STRADA: variants seen among roughly 807,000 people sequenced by gnomAD.
STRADA encodes STE20-related kinase adapter protein alpha.
Under a neutral mutation model 55.0 loss-of-function variants are expected in STRADA, and 26 were observed. The ratio of observed to expected loss-of-function variants is 0.47; its 90% CI spans 0.35 to 0.66. The LOEUF (loss-of-function observed/expected upper bound fraction) is 0.66. Ranked by LOEUF, STRADA falls within the 30% of genes least tolerant of loss-of-function variation. The pLI is 0.01. For missense variants in STRADA, 443 were observed against 549.7 expected (o/e 0.81, Z 1.94); for synonymous variants, 197 against 210.9 (o/e 0.93, Z 0.57).
intron 4 of STRADA, chr17:63,717,082 A>G (rs541974217): frequency 6.6e-6 from 1 of 152,354 alleles, no homozygotes; most frequent in East Asian, 1.9e-4. Context: ...TACCTGGTGT[A>G]TAAAAGACAT....
intron 1 of STRADA, among the ~76,000 whole-genome samples, chr17:63,735,215 C>T (rs1021931362): frequency 6.6e-6 from 1 of 152,126 alleles, no homozygotes; most frequent in Admixed American, 6.5e-5. Context: ...TAAGAATAAT[C>T]AATAAGGTTA....
At chr17:63,717,427 C>A (rs2036968432) in intron 4 of STRADA, among the ~76,000 whole-genome samples, 1 of 152,196 alleles carries the variant, frequency 6.6e-6, no homozygotes, top group African/African-American at 2.4e-5. Flanking sequence ...CCTGCCTCAG[C>A]CTTATAAGTA....
At chr17:63,737,279 T>TAAAAAAAAAAAAG (rs2038516780) in intron 1 of STRADA, 1 of 63,436 alleles carries the variant, frequency 1.6e-5, no homozygotes, top group Non-Finnish European at 3.6e-5. Context: ...AAAAAAAAAT[T>TAAAAAAAAAAAAG]GAGATAGTTC....
At chr17:63,712,861 C>T (rs368925881) in intron 6 of STRADA, among the ~76,000 whole-genome samples, 1 of 150,162 alleles carries the variant, frequency 6.7e-6, no homozygotes, top group Non-Finnish European at 1.5e-5. Context: ...GTTAGCCGGG[C>T]ATGGTGGTGT....
At chr17:63,735,110 G>GT (rs1193516198) in intron 1 of STRADA, among the ~76,000 whole-genome samples, 1 of 152,184 alleles carries the variant, frequency 6.6e-6, no homozygotes, top group East Asian at 1.9e-4. Flanking sequence ...GGCCGAGATC[G>GT]TGCCATTGCA....
chr17:63,714,253 GAAAC>G (rs1451346195), intron 4 of STRADA, 145 bp from the exon 5 acceptor site: 1 of 657,978 alleles, frequency 1.5e-6, no homozygotes, highest in African/African-American at 1.8e-5. Flanking sequence ...TATTTGAAGA[GAAAC>G]AAAACACTAC....
intron 1 of STRADA, among the ~76,000 whole-genome samples, chr17:63,738,175 T>C (rs1400268893): frequency 6.6e-6 from 1 of 151,162 alleles, no homozygotes; most frequent in Non-Finnish European, 1.5e-5. Flanking sequence ...ACGCCGTCTC[T>C]ACTAAAAATA....
chr17:63,738,591 G>T (rs2038626503), intron 1 of STRADA, among the ~76,000 whole-genome samples: 1 of 152,088 alleles, frequency 6.6e-6, no homozygotes, highest in Non-Finnish European at 1.5e-5. Flanking sequence ...AGGCCCAGTG[G>T]CTCTGCCTGT....
chr17:63,706,828 G>T, intron 9 of STRADA, 89 bp from the exon 10 acceptor site: 2 of 1,008,856 alleles, frequency 2.0e-6, no homozygotes, highest in Non-Finnish European at 3.1e-6. Flanking sequence ...AAGGATGGCT[G>T]TCCCCACATC....
At chr17:63,736,817 T>C (rs1025242335) in intron 1 of STRADA, among the ~76,000 whole-genome samples, 8 of 146,410 alleles carry the variant, frequency 5.5e-5, no homozygotes, top group African/African-American at 1.8e-4. Context: ...GGGTGGAAAG[T>C]GGCCTATTTC....
chr17:63,734,629 C>T (rs914809435), intron 1 of STRADA, among the ~76,000 whole-genome samples: 2 of 151,458 alleles, frequency 1.3e-5, no homozygotes, highest in African/African-American at 4.9e-5. Flanking sequence ...AGAGTGAGAC[C>T]CTGTCTCAAA....
At chr17:63,710,924 G>A (rs1028205951) in intron 6 of STRADA, 88 bp from the exon 7 acceptor site, 11 of 1,206,134 alleles carry the variant, frequency 9.1e-6, no homozygotes, top group African/African-American at 9.0e-5. Context: ...ACAATAGGGG[G>A]ACCTGGCACT....
chr17:63,713,465 C>G lies in STRADA; in HGVS notation c.289G>C (p.Val97Leu). ...TCTAGGTTAATCCTCCGTACAGTCA[C>G]GTACTCTCCTGTTGGTTTGTACCTT... Reference protein sequence around the residue: ...LARYKPTGEYVTVRRINLEAC... With the variant: ...LARYKPTGEYLTVRRINLEAC... Residue 97 changes from valine to leucine, a missense_variant, in exon 6 of 13, where the codon GTG (valine) becomes CTG (leucine). Coordinates refer to ENST00000336174, the MANE Select transcript of STRADA (RefSeq NM_001003787.4). The G allele has an allele frequency of 6.2e-7, 1 of 1,614,166 alleles. No individual in the cohort carries two copies.
At chr17:63,725,768 C>A (rs1003414243) in intron 3 of STRADA, 19 of 152,202 alleles carry the variant, frequency 1.2e-4, no homozygotes, top group African/African-American at 4.3e-4. Flanking sequence ...CTCCTGGGTT[C>A]ACGCCATTCT....
At chr17:63,739,724 GTATA>G (rs2038725384) in intron 1 of STRADA, among the ~76,000 whole-genome samples, 1 of 144,452 alleles carries the variant, frequency 6.9e-6, no homozygotes, top group South Asian at 2.1e-4. Flanking sequence ...AATTTTATGT[GTATA>G]TATTATGTAT....
chr17:63,734,247 C>G (rs1242915294), intron 1 of STRADA, among the ~76,000 whole-genome samples: 1 of 152,178 alleles, frequency 6.6e-6, no homozygotes, highest in African/African-American at 2.4e-5. Flanking sequence ...ATCAAAAGCT[C>G]TAAGAAACTT....
chr17:63,728,381 G>C lies in STRADA; in HGVS notation c.-12C>G. 1 of 1,608,608 alleles carries C rather than the reference G, an allele frequency of 6.2e-7. No homozygotes were observed. Among genetic ancestry groups the C allele is most frequent in the Non-Finnish European group, 8.5e-7 (1 of 1,177,988 alleles). On this transcript the variant is annotated 5_prime_UTR_variant, in exon 2 of 13. Transcript: ENST00000336174. ...ACAAGAAATGACATGAGTTCCTACT[G>C]TGTAGGCCTACTTCAGTTTCAAAAA...
intron 3 of STRADA, 73 bp downstream of exon 3, chr17:63,726,565 G>T: frequency 6.8e-7 from 1 of 1,460,968 alleles, no homozygotes. Context: ...AATTGCTATA[G>T]ATTGATTTAG....
chr17:63,736,520 C>G, intron 1 of STRADA, among the ~76,000 whole-genome samples: 1 of 151,516 alleles, frequency 6.6e-6, no homozygotes, highest in East Asian at 2.0e-4. Flanking sequence ...GCCAGCTACT[C>G]GGGAGGCTAA....
Sources: gnomAD v4.1 joint callset for allele counts (sites outside exome capture counted in the v4.1 genomes callset) on GRCh38, gnomAD v4.1.1 for gene constraint, MANE v1.5 for transcripts, NCBI Gene and HGNC (gene_info 2026-07-23, HGNC 2026-07-21) for gene names.